PEMT: variants seen among roughly 807,000 people sequenced by gnomAD.
PEMT encodes phospholipid methyltransferase.
Under a neutral mutation model 27.4 loss-of-function variants are expected in PEMT, and 23 were observed. The observed-to-expected ratio is 0.84, with a 90% CI of 0.60 to 1.19. The LOEUF is 1.19. Among genes scored for constraint, PEMT ranks in the 50% most tolerant of loss-of-function variants. The probability of loss-of-function intolerance (pLI) is 0.00; values close to 1 mark genes in which losing one functional copy is unlikely to be tolerated. For synonymous variants in PEMT, 137 were observed against 139.1 expected (o/e 0.98, Z 0.11); for missense variants, 307 against 310.1 (o/e 0.99, Z 0.07).
chr17:17,548,844 C>T (rs902539185), intron 2 of PEMT, among the ~76,000 whole-genome samples: 2 of 152,068 alleles, frequency 1.3e-5, no homozygotes, highest in African/African-American at 4.8e-5. Flanking sequence ...CGAGTCCGGC[C>T]GAGTACAGGT....
chr17:17,522,246 G>A (rs878988081), intron 3 of PEMT, 34 bp downstream of exon 3: 2 of 1,487,354 alleles, frequency 1.3e-6, no homozygotes, highest in Non-Finnish European at 1.9e-6. Context: ...CTAGCCCAGG[G>A]GTTGTGGCTC....
intron 3 of PEMT, among the ~76,000 whole-genome samples, chr17:17,516,550 G>A (rs867780385): frequency 1.3e-5 from 2 of 152,128 alleles, no homozygotes; most frequent in African/African-American, 4.8e-5. Context: ...CAAGCCTCAC[G>A]GGCAGGCCAA....
rs543087227 is a variant in PEMT, at chr17:17,505,856, G to A, written c.654-8C>T. ...ATCTCAGCGGTGAAGGGCCTGCCGGGCAGCGGGGAGAGGCTTCGGTCAGCA... is the reference window on the plus strand; with the variant it reads ...ATCTCAGCGGTGAAGGGCCTGCCGGACAGCGGGGAGAGGCTTCGGTCAGCA... On this transcript the variant is annotated splice_polypyrimidine_tract_variant and splice_region_variant and intron_variant, in intron 6 of 6. Transcript: ENST00000255389. 11 of 1,607,588 alleles carry A rather than the reference G, an allele frequency of 6.8e-6. No homozygotes were observed. The Admixed American group carries it at 1.0e-4, about 15-fold the overall frequency.
chr17:17,585,976 G>C (rs1176338477), intron 1 of PEMT, among the ~76,000 whole-genome samples: 1 of 150,966 alleles, frequency 6.6e-6, no homozygotes, highest in African/African-American at 2.4e-5. Flanking sequence ...CCAGCTACTC[G>C]GGAGGCTGAA....
At chr17:17,521,042 C>T (rs1475481903) in intron 3 of PEMT, among the ~76,000 whole-genome samples, 1 of 152,258 alleles carries the variant, frequency 6.6e-6, no homozygotes, top group Non-Finnish European at 1.5e-5. Context: ...TGTGTGCACC[C>T]AGTGCCTGCA....
intron 3 of PEMT, among the ~76,000 whole-genome samples, chr17:17,520,719 T>G (rs1907201678): frequency 6.6e-6 from 1 of 152,128 alleles, no homozygotes; most frequent in African/African-American, 2.4e-5. Flanking sequence ...GACCCACCCC[T>G]CTGAGGACCA....
At position 17,585,325 on chromosome 17, in the gene PEMT, G is replaced by A. The variant is rs148268376; in HGVS notation, c.96+6206C>T. Among the ~76,000 whole-genome samples, 1,483 of 152,308 alleles carry A rather than the reference G, an allele frequency of 9.7e-3. 18 individuals are homozygous for A. The highest frequency in any genetic ancestry group is 0.034 in the African/African-American group (1,411 of 41,562). On this transcript the variant is annotated intron_variant, in intron 1 of 6. Coordinates refer to ENST00000255389, the MANE Select transcript of PEMT (RefSeq NM_148172.3). ...TGCACTCCAGCCTGGGCGACAGAGC[G>A]AGAATCCATCTCAAAAACAAACAAC...
intron 5 of PEMT, chr17:17,508,844 C>T (rs1434128751): frequency 1.2e-5 from 5 of 434,098 alleles, no homozygotes; most frequent in Non-Finnish European, 1.9e-5. Context: ...TGGGCAGAGG[C>T]TATTGGGGCA....
chr17:17,516,439 G>A (rs1906842070), intron 3 of PEMT, among the ~76,000 whole-genome samples: 2 of 152,058 alleles, frequency 1.3e-5, no homozygotes, highest in Non-Finnish European at 2.9e-5. Flanking sequence ...AGCTGAGAGA[G>A]AGTCTGTCTT....
intron 2 of PEMT, among the ~76,000 whole-genome samples, chr17:17,554,042 G>A (rs1026197970): frequency 3.3e-5 from 5 of 152,238 alleles, no homozygotes; most frequent in African/African-American, 9.6e-5. Flanking sequence ...GACCTGGCCC[G>A]TGAGCAGGAA....
intron 4 of PEMT, among the ~76,000 whole-genome samples, chr17:17,509,819 C>T (rs1449138026): frequency 6.6e-6 from 1 of 152,194 alleles, no homozygotes; most frequent in Non-Finnish European, 1.5e-5. Context: ...CCATGCTGGC[C>T]TTCCTCTTCT....
chr17:17,562,070 C>T lies in PEMT; in HGVS notation c.204+14850G>A, dbSNP rs1016064242. On this transcript the variant is annotated intron_variant, in intron 2 of 6. Transcript: ENST00000255389. ...GGCGTTCCGGCCCATTGGAGTCGGC[C>T]GTGCTGCAGCTCGGGGCTGTTTTTC... 1.4e-4 allele frequency among the ~76,000 whole-genome samples: 22 copies of T among 152,200 alleles called. 1 individual carries two copies. The highest frequency in any genetic ancestry group is 4.1e-4 in the African/African-American group (17 of 41,454).
intron 5 of PEMT, among the ~76,000 whole-genome samples, chr17:17,508,505 C>T (rs371860909): frequency 1.2e-4 from 19 of 152,256 alleles, no homozygotes; most frequent in Admixed American, 9.2e-4. Flanking sequence ...TCACTGTTTA[C>T]GATTCACTCC....
At chr17:17,572,620 C>T (rs117355019) in intron 2 of PEMT, among the ~76,000 whole-genome samples, 1 of 152,364 alleles carries the variant, frequency 6.6e-6, no homozygotes, top group East Asian at 1.9e-4. Flanking sequence ...TGTCCCTCCC[C>T]TTGCCTGCTG....
intron 2 of PEMT, among the ~76,000 whole-genome samples, chr17:17,541,048 T>A (rs1414463668): frequency 6.6e-6 from 1 of 152,234 alleles, no homozygotes. Context: ...AGTGCTCGGC[T>A]GAGACGGGGA....
intron 2 of PEMT, among the ~76,000 whole-genome samples, chr17:17,558,681 CGAAAAAA>C (rs1910242659): frequency 1.6e-5 from 1 of 61,070 alleles, no homozygotes; most frequent in African/African-American, 8.3e-5. Context: ...ACCAGTCTCA[CGAAAAAA>C]AAAAAAAAAA....
chr17:17,554,513 A>G (rs1364586437), intron 2 of PEMT, among the ~76,000 whole-genome samples: 2 of 152,242 alleles, frequency 1.3e-5, no homozygotes, highest in Non-Finnish European at 2.9e-5. Flanking sequence ...AGCAAACGTG[A>G]GCTGCGAGCG....
chr17:17,531,168 C>T (rs1056813400), intron 2 of PEMT, among the ~76,000 whole-genome samples: 3 of 152,116 alleles, frequency 2.0e-5, no homozygotes, highest in African/African-American at 7.2e-5. Flanking sequence ...GGTTAAAAGG[C>T]CGATTCCAGT....
intron 2 of PEMT, among the ~76,000 whole-genome samples, chr17:17,573,778 CCTGT>C (rs1035114332): frequency 4.6e-5 from 7 of 152,074 alleles, no homozygotes; most frequent in African/African-American, 1.7e-4. Flanking sequence ...GGCCTGTTGG[CCTGT>C]CTTTGTTTTT....
Sources: gnomAD v4.1 joint callset for allele counts (sites outside exome capture counted in the v4.1 genomes callset) on GRCh38, gnomAD v4.1.1 for gene constraint, MANE v1.5 for transcripts, NCBI Gene and HGNC (gene_info 2026-07-23, HGNC 2026-07-21) for gene names.